The following KCNMB2 variants were observed in gnomAD, a reference collection of about 807,000 sequenced individuals.
KCNMB2 encodes the protein calcium-activated potassium channel subunit beta-2.
In KCNMB2, 9 loss-of-function variants were observed where a neutral mutation model predicts 24.5. That is an observed-to-expected ratio of 0.37 (90% CI 0.22 to 0.64). The LOEUF (loss-of-function observed/expected upper bound fraction) is 0.64, where lower values mean the gene tolerates loss of function less well. Among genes scored for constraint, KCNMB2 ranks in the 30% least tolerant of loss-of-function variants. The pLI is 0.63. For synonymous variants in KCNMB2, 109 were observed against 104.4 expected, an observed-to-expected ratio of 1.04 and a Z score of -0.27; for missense variants, 226 against 284.3, an observed-to-expected ratio of 0.79 and a Z score of 1.47.
chr3:178,681,849 A>G lies in KCNMB2; in HGVS notation c.-67-125494A>G, dbSNP rs1462560535. ...CATACAGTGGGAGTCCACTAAATGT[A>G]CATTATTATAGTGGACTTATGGAAT... On this transcript the variant is annotated intron_variant, in intron 1 of 4. Transcript: ENST00000452583. 2.0e-5 allele frequency among the ~76,000 whole-genome samples: 3 copies of G among 152,168 alleles called. No homozygotes were observed. The East Asian group carries it at 5.8e-4, about 29-fold the overall frequency.
chr3:178,761,179 T>G (rs898112979), intron 1 of KCNMB2, among the ~76,000 whole-genome samples: 2 of 152,164 alleles, frequency 1.3e-5, no homozygotes, highest in Non-Finnish European at 2.9e-5. Context: ...TCTCCATGCT[T>G]AGACAAAGAG....
In KCNMB2 at chr3:178,781,320, G is replaced by A. The variant is rs113214499; in HGVS notation, c.-67-26023G>A. Reference sequence around the variant, plus strand: ...TGAATTAAGAATATATGACGGGCACGGTGGCTCACGCCTGTAATCCCAGCA... The same window carrying A: ...TGAATTAAGAATATATGACGGGCACAGTGGCTCACGCCTGTAATCCCAGCA... On this transcript the variant is annotated intron_variant, in intron 1 of 4. Coordinates refer to ENST00000452583, the MANE Select transcript of KCNMB2 (RefSeq NM_181361.3). Among the ~76,000 whole-genome samples the A allele has an allele frequency of 1.5e-3, 231 of 152,142 alleles. 3 individuals are homozygous for A. The highest frequency in any genetic ancestry group is 0.011 in the South Asian group (55 of 4,830).
chr3:178,826,550 C>A (rs1007797527), intron 3 of KCNMB2, among the ~76,000 whole-genome samples: 2 of 152,206 alleles, frequency 1.3e-5, no homozygotes, highest in Non-Finnish European at 2.9e-5. Flanking sequence ...CCACCAGCAT[C>A]TCTAGCTAAC....
intron 1 of KCNMB2, among the ~76,000 whole-genome samples, chr3:178,772,894 T>C (rs967831535): frequency 2.0e-5 from 3 of 152,210 alleles, no homozygotes; most frequent in African/African-American, 4.8e-5. Flanking sequence ...AGGAAATTAG[T>C]TCAACCTGAA....
chr3:178,621,114 G>C (rs567402878), intron 1 of KCNMB2, among the ~76,000 whole-genome samples: 9 of 152,268 alleles, frequency 5.9e-5, no homozygotes, highest in Admixed American at 2.0e-4. Flanking sequence ...GAAGACGCAA[G>C]AGAGTACAAA....
At chr3:178,541,430 C>T (rs114860960) in intron 1 of KCNMB2, among the ~76,000 whole-genome samples, 2,557 of 152,158 alleles carry the variant, frequency 0.017, 32 homozygotes, top group Non-Finnish European at 0.022. Flanking sequence ...GTGTACAAGC[C>T]CCAGTAGCCT....
intron 2 of KCNMB2, among the ~76,000 whole-genome samples, chr3:178,823,404 T>C (rs9833798): frequency 0.26 from 39,978 of 151,958 alleles, 7,121 homozygotes; most frequent in African/African-American, 0.51. Context: ...GGCCGTGAAA[T>C]GATGATAAAC....
At chr3:178,713,759 C>G (rs1722528876) in intron 1 of KCNMB2, among the ~76,000 whole-genome samples, 1 of 152,178 alleles carries the variant, frequency 6.6e-6, no homozygotes, top group East Asian at 1.9e-4. Context: ...GCCACCTTCA[C>G]ATGGTCTATC....
At chr3:178,676,699 C>T (rs190374178) in intron 1 of KCNMB2, among the ~76,000 whole-genome samples, 3 of 152,276 alleles carry the variant, frequency 2.0e-5, no homozygotes, top group Admixed American at 1.3e-4. Flanking sequence ...AATGTCCTTA[C>T]AGTAGTCTTT....
chr3:178,634,437 C>G (rs1719438509), intron 1 of KCNMB2, among the ~76,000 whole-genome samples: 1 of 152,044 alleles, frequency 6.6e-6, no homozygotes, highest in African/African-American at 2.4e-5. Context: ...CAAACATGCC[C>G]TTCTTCACAT....
At chr3:178,589,346 A>G (rs893835635) in intron 1 of KCNMB2, among the ~76,000 whole-genome samples, 1 of 152,192 alleles carries the variant, frequency 6.6e-6, no homozygotes, top group African/African-American at 2.4e-5. Context: ...TGCTAATTCA[A>G]TGAGATCTGT....
In KCNMB2 at chr3:178,626,701, C is replaced by A. The variant is rs899876336; in HGVS notation, c.-68+89990C>A. Among the ~76,000 whole-genome samples the A allele has an allele frequency of 2.6e-5, 4 of 152,032 alleles. No individual in the cohort carries two copies. In the South Asian group the frequency reaches 8.3e-4, roughly 32 times the overall value. On this transcript the variant is annotated intron_variant, in intron 1 of 4. Transcript: ENST00000452583. Reference sequence around the variant, plus strand: ...GGGTAAACTGCCCCCAGGATCCAATCACTCCTCACCACGTCTCTCCCTAGA... The same window carrying A: ...GGGTAAACTGCCCCCAGGATCCAATAACTCCTCACCACGTCTCTCCCTAGA...
At chr3:178,570,583 T>C (rs1045709604) in intron 1 of KCNMB2, among the ~76,000 whole-genome samples, 1 of 144,034 alleles carries the variant, frequency 6.9e-6, no homozygotes, top group African/African-American at 2.5e-5. Context: ...TAACTCAGTA[T>C]AACAAAGACT....
intron 1 of KCNMB2, among the ~76,000 whole-genome samples, chr3:178,571,146 A>G (rs568682741): frequency 2.0e-4 from 30 of 152,104 alleles, no homozygotes; most frequent in Middle Eastern, 3.4e-3. Context: ...ATTTATTACA[A>G]TTTTATTCTT....
In KCNMB2 at chr3:178,757,446, A is replaced by G. The variant is rs1724137632; in HGVS notation, c.-67-49897A>G. On this transcript the variant is annotated intron_variant, in intron 1 of 4. Transcript: ENST00000452583. ...TATGTATATATATCCAAGAGGATAT[A>G]TATATATGTATATATATCCAAGAGG... Among the ~76,000 whole-genome samples, 2 of 69,028 alleles carry G rather than the reference A, an allele frequency of 2.9e-5. 1 individual carries two copies. Among genetic ancestry groups the G allele is most frequent in the South Asian group, 1.1e-3 (2 of 1,824 alleles). 45.3% of individuals were successfully genotyped at this position (69,028 alleles called of 152,430 possible). A position where few individuals can be genotyped will look rare whatever the true frequency, so the allele number is the denominator to read the frequency against.
chr3:178,568,801 AGATAGATAGATAGATAATAG>A (rs1560112195), intron 1 of KCNMB2, among the ~76,000 whole-genome samples: 21 of 122,166 alleles, frequency 1.7e-4, no homozygotes, highest in African/African-American at 5.9e-4. Context: ...ATAGATAGAT[AGATAGATAGATAGATAATAG>A]ATAGATAGAT....
chr3:178,695,193 T>C (rs1041173251), intron 1 of KCNMB2, among the ~76,000 whole-genome samples: 3 of 152,254 alleles, frequency 2.0e-5, no homozygotes, highest in Admixed American at 6.5e-5. Context: ...TGGCCCCTTT[T>C]AGCCATGGCT....
chr3:178,617,610 C>T (rs368682335), intron 1 of KCNMB2, among the ~76,000 whole-genome samples: 16 of 151,552 alleles, frequency 1.1e-4, no homozygotes, highest in Admixed American at 7.2e-4. Context: ...CAACACCCAG[C>T]GAGGCGCGGT....
intron 1 of KCNMB2, among the ~76,000 whole-genome samples, chr3:178,800,070 A>G (rs1713716030): frequency 6.6e-6 from 1 of 152,188 alleles, no homozygotes; most frequent in Admixed American, 6.5e-5. Context: ...AAACCATGAA[A>G]CCACTGTAAG....
Sources: gnomAD v4.1 joint callset for allele counts (sites outside exome capture counted in the v4.1 genomes callset) on GRCh38, gnomAD v4.1.1 for gene constraint, MANE v1.5 for transcripts, NCBI Gene and HGNC (gene_info 2026-07-23, HGNC 2026-07-21) for gene names.